Variants in DLGAP1 observed in about 807,000 individuals in gnomAD.
The protein encoded by DLGAP1 is disks large-associated protein 1.
Under a neutral mutation model 90.8 loss-of-function variants are expected in DLGAP1, and 11 were observed. The ratio of observed to expected loss-of-function variants is 0.12; its 90% CI spans 0.08 to 0.20. The LOEUF is 0.20. Ranked by LOEUF, DLGAP1 falls within the 10% of genes least tolerant of loss-of-function variation. The pLI, the probability that DLGAP1 is intolerant of heterozygous loss-of-function variation, is 1.00. For synonymous variants in DLGAP1, 558 were observed against 540.7 expected (o/e 1.03, Z -0.44); for missense variants, 1,050 against 1,333.8 (o/e 0.79, Z 3.31).
intron 3 of DLGAP1, among the ~76,000 whole-genome samples, chr18:3,908,116 G>T (rs1261499859): frequency 6.6e-6 from 1 of 152,170 alleles, no homozygotes; most frequent in African/African-American, 2.4e-5. Flanking sequence ...AGTTCCTGCT[G>T]TTATTTTTAA....
rs68086553 is a variant in DLGAP1, at chr18:3,561,436, CAAAAAAAAAAA to C, written c.2057+6043_2057+6053del. Among the ~76,000 whole-genome samples, 8 of 76,366 alleles carry C rather than the reference CAAAAAAAAAAA, an allele frequency of 1.0e-4. 1 individual carries two copies. The highest frequency in any genetic ancestry group is 8.3e-4 in the East Asian group (3 of 3,620). 50.1% of individuals were successfully genotyped at this position (76,366 alleles called of 152,430 possible). A position where few individuals can be genotyped will look rare whatever the true frequency, so the allele number is the denominator to read the frequency against. ...GGGCGACAGAGCAAGACTCCATCTC[CAAAAAAAAAAA>C]AAAAAAAAAAAACAGAAAAATGAAA... On this transcript the variant is annotated intron_variant, in intron 9 of 12. Coordinates refer to ENST00000315677, the MANE Select transcript of DLGAP1 (RefSeq NM_004746.4).
At chr18:4,204,743 T>A (rs900389665) in intron 1 of DLGAP1, among the ~76,000 whole-genome samples, 1 of 152,112 alleles carries the variant, frequency 6.6e-6, no homozygotes, top group Admixed American at 6.5e-5. Context: ...GTAAAAAAAA[T>A]TCAGTTTAGA....
intron 4 of DLGAP1, among the ~76,000 whole-genome samples, chr18:3,849,981 T>C (rs778709908): frequency 6.6e-6 from 1 of 152,226 alleles, no homozygotes; most frequent in Non-Finnish European, 1.5e-5. Flanking sequence ...GACCTTTCTA[T>C]ATCTTTCTCT....
At chr18:4,227,717 G>A (rs2222370) in intron 1 of DLGAP1, among the ~76,000 whole-genome samples, 72,791 of 150,616 alleles carry the variant, frequency 0.48, 18,230 homozygotes, top group East Asian at 0.64. Flanking sequence ...AGGACATTTT[G>A]TAACTATAAG....
rs1568260542 is a variant in DLGAP1, at chr18:3,592,878, G to GAA, written c.1592-10632_1592-10631dup. Among the ~76,000 whole-genome samples the GAA allele has an allele frequency of 7.5e-4, 85 of 113,898 alleles. 1 individual carries two copies. Among genetic ancestry groups the GAA allele is most frequent in the Non-Finnish European group, 1.1e-3 (63 of 56,596 alleles). 74.7% of individuals were successfully genotyped at this position (113,898 alleles called of 152,430 possible). On this transcript the variant is annotated intron_variant, in intron 7 of 12. Coordinates refer to ENST00000315677, the MANE Select transcript of DLGAP1 (RefSeq NM_004746.4). ...AAAAAAAAAAAAAAAGAAAAAGAAA[G>GAA]AAAGAAAAAGAAAAAGAAAAAGAAA...
intron 2 of DLGAP1, among the ~76,000 whole-genome samples, chr18:4,133,536 T>C (rs1192345115): frequency 6.6e-6 from 1 of 152,188 alleles, no homozygotes; most frequent in Non-Finnish European, 1.5e-5. Context: ...GTCTCTTTTA[T>C]ACATGGCCAC....
intron 1 of DLGAP1, among the ~76,000 whole-genome samples, chr18:4,298,675 ATGAC>A (rs1292497365): frequency 2.6e-5 from 4 of 152,100 alleles, no homozygotes; most frequent in Non-Finnish European, 5.9e-5. Flanking sequence ...CTAATGCTAG[ATGAC>A]GAGTTAGTGG....
intron 2 of DLGAP1, among the ~76,000 whole-genome samples, chr18:4,063,025 G>A (rs1486219822): frequency 6.6e-6 from 1 of 151,968 alleles, no homozygotes; most frequent in Admixed American, 6.6e-5. Flanking sequence ...CATCATCCAG[G>A]TGTATTAATG....
chr18:3,923,543 G>A (rs970710630), intron 3 of DLGAP1, among the ~76,000 whole-genome samples: 2 of 151,828 alleles, frequency 1.3e-5, no homozygotes, highest in Non-Finnish European at 2.9e-5. Flanking sequence ...TAACTTGTTT[G>A]TTGTTTTTAT....
In DLGAP1 at chr18:4,355,795, G is replaced by A. The variant is rs542826294; in HGVS notation, c.-267+99211C>T. Among the ~76,000 whole-genome samples, 84 of 133,874 alleles carry A rather than the reference G, an allele frequency of 6.3e-4. 1 individual carries two copies. Among genetic ancestry groups the A allele is most frequent in the Non-Finnish European group, 6.7e-4 (42 of 62,824 alleles). 87.8% of individuals were successfully genotyped at this position (133,874 alleles called of 152,430 possible). On this transcript the variant is annotated intron_variant, in intron 1 of 12. Transcript: ENST00000315677. ...TTGTGAATCTATAATTTCAAAATAA[G>A]AAGTATAAAAATGAAAAAGAGAAAT...
chr18:3,920,289 G>A (rs913506303), intron 3 of DLGAP1, among the ~76,000 whole-genome samples: 1 of 149,366 alleles, frequency 6.7e-6, no homozygotes, highest in Non-Finnish European at 1.5e-5. Flanking sequence ...GTTGCAGTGA[G>A]CCGGGGGTTG....
At chr18:3,582,482 G>A (rs538014500) in intron 7 of DLGAP1, among the ~76,000 whole-genome samples, 11 of 152,148 alleles carry the variant, frequency 7.2e-5, no homozygotes, top group Admixed American at 7.2e-4. Flanking sequence ...ATCAATCTCT[G>A]AAATGGAAGT....
intron 2 of DLGAP1, among the ~76,000 whole-genome samples, chr18:4,079,287 T>TCACACACACACA (rs6146196): frequency 4.0e-4 from 57 of 142,606 alleles, no homozygotes; most frequent in Non-Finnish European, 6.8e-4. Context: ...AAAGAAAATG[T>TCACACACACACA]CACACACACA....
At chr18:3,847,375 T>G (rs1481121913) in intron 4 of DLGAP1, among the ~76,000 whole-genome samples, 9 of 152,118 alleles carry the variant, frequency 5.9e-5, no homozygotes, top group Admixed American at 5.9e-4. Context: ...CAGACGTATC[T>G]CAAGAACCAC....
chr18:3,760,023 G>T (rs948111122), intron 5 of DLGAP1, among the ~76,000 whole-genome samples: 2 of 152,220 alleles, frequency 1.3e-5, no homozygotes, highest in African/African-American at 4.8e-5. Flanking sequence ...GAGGTGTAAT[G>T]CTCTGCTGGT....
chr18:4,287,258 C>T (rs1254577323), intron 1 of DLGAP1, among the ~76,000 whole-genome samples: 1 of 152,130 alleles, frequency 6.6e-6, no homozygotes, highest in Non-Finnish European at 1.5e-5. Context: ...ACAACAGATG[C>T]TGGAGAGGAT....
intron 1 of DLGAP1, among the ~76,000 whole-genome samples, chr18:4,382,734 C>T (rs1331032046): frequency 6.6e-6 from 1 of 152,026 alleles, no homozygotes; most frequent in Non-Finnish European, 1.5e-5. Context: ...AAAATGAAAC[C>T]TTTCCTGTAT....
chr18:4,215,626 C>T (rs2077937858), intron 1 of DLGAP1, among the ~76,000 whole-genome samples: 1 of 151,966 alleles, frequency 6.6e-6, no homozygotes, highest in Admixed American at 6.6e-5. Flanking sequence ...ATTTTTTTCC[C>T]CTTTCATTAA....
At chr18:3,682,876 G>C (rs1336852589) in intron 7 of DLGAP1, among the ~76,000 whole-genome samples, 2 of 144,754 alleles carry the variant, frequency 1.4e-5, no homozygotes, top group African/African-American at 5.1e-5. Flanking sequence ...TTTTTTTTCT[G>C]AGATGGAGTC....
Sources: gnomAD v4.1 joint callset for allele counts (sites outside exome capture counted in the v4.1 genomes callset) on GRCh38, gnomAD v4.1.1 for gene constraint, MANE v1.5 for transcripts, NCBI Gene and HGNC (gene_info 2026-07-23, HGNC 2026-07-21) for gene names.